The following IRAG2 variants were observed in gnomAD, a reference collection of about 807,000 sequenced individuals.
IRAG2 encodes lymphoid restricted membrane protein.
In IRAG2, 45 loss-of-function variants were observed where a neutral mutation model predicts 69.9. That is an observed-to-expected ratio of 0.64 (90% CI 0.51 to 0.83). The LOEUF (loss-of-function observed/expected upper bound fraction) is 0.83. IRAG2 is among the 40% of genes least tolerant of loss of function. The pLI is 0.00. For missense variants in IRAG2, 520 were observed against 587.0 expected, an observed-to-expected ratio of 0.89 and a Z score of 1.18; for synonymous variants, 193 against 202.4, an observed-to-expected ratio of 0.95 and a Z score of 0.40.
intron 11 of IRAG2, among the ~76,000 whole-genome samples, 192 bp downstream of exon 11, chr12:25,088,349 C>T (rs973988313): frequency 3.3e-5 from 5 of 152,178 alleles, no homozygotes; most frequent in South Asian, 2.1e-4. Flanking sequence ...GTTGACTGTG[C>T]GATCCCAGAA....
chr12:25,024,653 G>A (rs1215408998), intron 8 of IRAG2, among the ~76,000 whole-genome samples: 4 of 152,100 alleles, frequency 2.6e-5, no homozygotes, highest in Non-Finnish European at 5.9e-5. Context: ...AGCACAATCT[G>A]GAGAGTTATT....
chr12:25,027,595 C>A (rs1860826677), intron 9 of IRAG2, among the ~76,000 whole-genome samples: 1 of 151,950 alleles, frequency 6.6e-6, no homozygotes, highest in African/African-American at 2.4e-5. Flanking sequence ...CGGGTTTCAC[C>A]ATGTTAGCCA....
intron 1 of IRAG2, among the ~76,000 whole-genome samples, chr12:25,054,936 C>T (rs113404063): frequency 1.3e-5 from 2 of 152,212 alleles, no homozygotes; most frequent in Admixed American, 6.5e-5. Context: ...AACACGTCCA[C>T]GCACATCCCG....
intron 3 of IRAG2, chr12:25,015,155 GTTTTTT>G: frequency 1.1e-4 from 97 of 895,528 alleles, no homozygotes; most frequent in East Asian, 3.8e-4. Context: ...CACTGGTTTT[GTTTTTT>G]TTTTTTTTTT....
intron 6 of IRAG2, among the ~76,000 whole-genome samples, chr12:25,074,092 C>T (rs959923927): frequency 6.6e-6 from 1 of 152,234 alleles, no homozygotes; most frequent in Admixed American, 6.5e-5. Context: ...GACACATGAC[C>T]TAACCTGTCT....
intron 5 of IRAG2, among the ~76,000 whole-genome samples, chr12:25,068,310 G>T (rs1946117748): frequency 6.6e-6 from 1 of 152,176 alleles, no homozygotes; most frequent in African/African-American, 2.4e-5. Flanking sequence ...ACAGCCAGAT[G>T]AAGAGATACA....
chr12:25,081,258 C>G lies in IRAG2; in HGVS notation c.244+1495C>G, dbSNP rs897282974. ...CAGGCAGATCACGAGGTCAGAAGAT[C>G]GAGGGACCATCCTGACTAACACGGT... On this transcript the variant is annotated intron_variant, in intron 9 of 21. Coordinates refer to ENST00000556887, the MANE Select transcript of IRAG2 (RefSeq NM_001366544.2). 2.0e-5 allele frequency among the ~76,000 whole-genome samples: 3 copies of G among 152,058 alleles called. No individual in the cohort carries two copies. In the East Asian group the frequency reaches 5.8e-4, roughly 29 times the overall value.
rs111808470 is a variant in IRAG2 at position 25,065,050 on chromosome 12, A to T, written c.-207+1234A>T. On this transcript the variant is annotated intron_variant, in intron 4 of 21. Coordinates refer to ENST00000556887, the MANE Select transcript of IRAG2 (RefSeq NM_001366544.2). ...GGTTGCAGTGAGCCGAGATTGTACC[A>T]TCACATTCCAGCCTGGGTGTCGCAG... is the stretch of plus-strand genomic sequence containing the variant. Among the ~76,000 whole-genome samples the T allele has an allele frequency of 9.5e-4, 144 of 151,964 alleles. 2 individuals are homozygous for T. The highest frequency in any genetic ancestry group is 3.3e-3 in the African/African-American group (137 of 41,428).
intron 15 of IRAG2, among the ~76,000 whole-genome samples, chr12:25,099,008 C>G (rs1054604976): frequency 6.6e-6 from 1 of 152,162 alleles, no homozygotes; most frequent in Non-Finnish European, 1.5e-5. Context: ...GCTGCTCCTT[C>G]TAGGCTTCCT....
At chr12:25,063,913 A>C (rs150823707) in intron 4 of IRAG2, 97 bp downstream of exon 4, 177 of 397,704 alleles carry the variant, frequency 4.5e-4, no homozygotes, top group Admixed American at 7.9e-4. Context: ...TATAGGAAGA[A>C]TTGTTGAATA....
chr12:25,097,094 A>C, intron 15 of IRAG2, 50 bp downstream of exon 15: 1 of 1,534,538 alleles, frequency 6.5e-7, no homozygotes, highest in South Asian at 1.3e-5. Context: ...AAAAAGATTC[A>C]CTTTTCCTGA....
upstream of IRAG2, among the ~76,000 whole-genome samples, chr12:25,047,409 C>T (rs1413860580): frequency 6.7e-6 from 1 of 150,300 alleles, no homozygotes; most frequent in Non-Finnish European, 1.5e-5. Context: ...TATTTGTAAA[C>T]TAAAAAACTG....
At chr12:25,034,658 G>C (rs543513661) in intron 13 of IRAG2, among the ~76,000 whole-genome samples, 1 of 152,160 alleles carries the variant, frequency 6.6e-6, no homozygotes, top group East Asian at 1.9e-4. Context: ...TTAGAAAAAT[G>C]CTTTCTTTTC....
At chr12:25,088,179 C>G (rs61912260) in intron 11 of IRAG2, 22 bp downstream of exon 11, 1 of 1,595,542 alleles carries the variant, frequency 6.3e-7, no homozygotes, top group Admixed American at 1.7e-5. Context: ...TTCTTTCAAT[C>G]CCCATGTGAA....
chr12:25,079,443 C>T lies in IRAG2; in HGVS notation c.117C>T (p.Asp39=), dbSNP rs1320188345. 7 of 1,612,948 alleles carry T rather than the reference C, an allele frequency of 4.3e-6. No individual in the cohort carries two copies. The highest frequency in any genetic ancestry group is 1.7e-5 in the Admixed American group (1 of 60,012). Residue 39 remains aspartate (D), a synonymous_variant, in exon 8 of 22, where the codon GAC becomes GAT. Coordinates refer to ENST00000556887, the MANE Select transcript of IRAG2 (RefSeq NM_001366544.2). The part of the protein sequence containing the change: ...LPLPRHTSST[D]GTITSSDPGL... The stretch of plus-strand genomic sequence containing the variant: ...TACCCAGACACACTTCATCGACAGA[C>T]GGTACTATAACTTCAAGTGGTAAGT...
chr12:25,030,328 G>T (rs1009449098), exon 10 of IRAG2: 10 of 1,231,388 alleles, frequency 8.1e-6, no homozygotes, highest in East Asian at 3.2e-5. Flanking sequence ...ATACAAGTTT[G>T]CAGAAGGTTG....
rs541918342 is a variant in IRAG2 at position 25,015,384 on chromosome 12, G to T, written c.1011G>T (p.Leu337Phe). Residue 337 changes from leucine to phenylalanine, a missense_variant, in exon 5 of 39, where the codon TTG becomes TTT. Transcript: ENST00000636465. Reference sequence around the variant, plus strand: ...GCACAGATATAACAGATTCTACATTGGGGAGCTTCGAGGCTTTGGGAGGAG... The same window carrying T: ...GCACAGATATAACAGATTCTACATTTGGGAGCTTCGAGGCTTTGGGAGGAG... The T allele has an allele frequency of 2.2e-3, 2,754 of 1,231,866 alleles. 6 individuals are homozygous for T. The highest frequency in any genetic ancestry group is 2.7e-3 in the Non-Finnish European group (2,651 of 987,856). The allele number at this position is 1,231,866 out of a possible 1,614,324, so 76.3% of individuals were successfully genotyped here.
Position 25,077,361 on chromosome 12 carries a change from G to GAAAT in IRAG2, c.25-1882_25-1881insAATA, listed in dbSNP as rs376884646. 7.8e-4 allele frequency among the ~76,000 whole-genome samples: 10 copies of GAAAT among 12,820 alleles called. 2 individuals are homozygous for GAAAT. The highest frequency in any genetic ancestry group is 1.6e-3 in the African/African-American group (7 of 4,310). The allele number at this position is 12,820 out of a possible 152,430, so 8.4% of individuals were successfully genotyped here. A position where few individuals can be genotyped will look rare whatever the true frequency, so the allele number is the denominator to read the frequency against. On this transcript the variant is annotated intron_variant, in intron 6 of 21. Transcript: ENST00000556887. ...TATGAAATATATATATGATATATAT[G>GAAAT]ATATATATGAAATATATATATGATA...
At chr12:25,065,424 C>T (rs549103103) in intron 4 of IRAG2, among the ~76,000 whole-genome samples, 3 of 152,282 alleles carry the variant, frequency 2.0e-5, no homozygotes, top group Admixed American at 1.3e-4. Flanking sequence ...CTGCTGCTTC[C>T]TATACTCAGA....
Sources: allele counts gnomAD v4.1 joint callset (sites outside exome capture counted in the v4.1 genomes callset), GRCh38; gene constraint gnomAD v4.1.1; transcripts MANE v1.5; gene names NCBI Gene and HGNC (gene_info 2026-07-23, HGNC 2026-07-21).